FRY: variants seen among roughly 807,000 people sequenced by gnomAD.
FRY encodes the protein protein furry homolog.
Under a neutral mutation model 348.4 loss-of-function variants are expected in FRY, and 128 were observed. That is an observed-to-expected ratio of 0.37 (90% CI 0.32 to 0.43). The LOEUF (loss-of-function observed/expected upper bound fraction) is 0.43, where lower values mean the gene tolerates loss of function less well. Ranked by LOEUF, FRY falls within the 20% of genes least tolerant of loss-of-function variation. The pLI is 1.00. For synonymous variants in FRY, 1,370 were observed against 1,374.7 expected (o/e 1.00, Z 0.08); for missense variants, 2,736 against 3,695.2 (o/e 0.74, Z 6.73).
At chr13:32,091,167 G>C (rs944497536) in intron 2 of FRY, among the ~76,000 whole-genome samples, 1 of 152,162 alleles carries the variant, frequency 6.6e-6, no homozygotes, top group South Asian at 2.1e-4. Context: ...TTTTGTCAGG[G>C]TTTTGACTAT....
intron 8 of FRY, among the ~76,000 whole-genome samples, chr13:32,134,419 A>C (rs1284494459): frequency 1.3e-5 from 2 of 152,212 alleles, no homozygotes; most frequent in Non-Finnish European, 2.9e-5. Flanking sequence ...GTCAGAGCGA[A>C]CAAGTAAACA....
intron 43 of FRY, 37 bp downstream of exon 43, chr13:32,236,209 T>C (rs764215825): frequency 2.2e-6 from 3 of 1,377,474 alleles, no homozygotes; most frequent in African/African-American, 2.8e-5. Context: ...ACATCAAGTA[T>C]ACTGCACAGG....
chr13:32,260,825 GA>G (rs1224013491), intron 51 of FRY, among the ~76,000 whole-genome samples: 1 of 142,052 alleles, frequency 7.0e-6, no homozygotes, highest in African/African-American at 2.6e-5. Context: ...TGTCTCAAAA[GA>G]AAAAAACAAA....
rs869298149 is a variant in FRY, at chr13:32,268,505, A to AATAT, written c.8136+1177_8136+1180dup. On this transcript the variant is annotated intron_variant, in intron 55 of 60. Transcript: ENST00000542859. ...CTAGTTTAAAAAAAAAAAAAAAAAA[A>AATAT]ATATATATATATATATATATATATA... 9.5e-4 allele frequency among the ~76,000 whole-genome samples: 27 copies of AATAT among 28,292 alleles called. 1 individual carries two copies. The highest frequency in any genetic ancestry group is 2.2e-3 in the African/African-American group (24 of 10,704). 18.6% of individuals were successfully genotyped at this position (28,292 alleles called of 152,430 possible).
At position 32,202,292 on chromosome 13, in the gene FRY, A is replaced by G; in HGVS notation, c.3847-64A>G. ...TACTTCTAACCTTTGTTAAATACAA[A>G]TGCTCATGAGATATCCAGCTAATGC... On this transcript the variant is annotated intron_variant, in intron 30 of 60. Transcript: ENST00000542859. The G allele has an allele frequency of 2.4e-6, 3 of 1,249,360 alleles. 1 individual carries two copies. In the South Asian group the frequency reaches 3.6e-5, roughly 15 times the overall value. The allele number at this position is 1,249,360 out of a possible 1,614,324, so 77.4% of individuals were successfully genotyped here. A position where few individuals can be genotyped will look rare whatever the true frequency, so the allele number is the denominator to read the frequency against.
intron 2 of FRY, among the ~76,000 whole-genome samples, chr13:32,088,714 C>A (rs1160556745): frequency 1.3e-5 from 2 of 152,130 alleles, no homozygotes; most frequent in Non-Finnish European, 2.9e-5. Context: ...GTGAAAATAT[C>A]ACCAGGTAAT....
At chr13:32,050,605 A>AT (rs1274697533) in intron 1 of FRY, among the ~76,000 whole-genome samples, 2 of 152,206 alleles carry the variant, frequency 1.3e-5, no homozygotes, top group Non-Finnish European at 2.9e-5. Context: ...TGCTGTTCTT[A>AT]TGCCACTTCA....
At chr13:32,096,440 G>A (rs536485629) in intron 2 of FRY, among the ~76,000 whole-genome samples, 48 of 151,852 alleles carry the variant, frequency 3.2e-4, no homozygotes, top group African/African-American at 9.7e-4. Context: ...AAAACTGCGG[G>A]GGGGGGCTTC....
In FRY at chr13:32,249,697, C is replaced by T. The variant is rs754923254; in HGVS notation, c.7170+10C>T. The T allele has an allele frequency of 6.2e-7, 1 of 1,612,802 alleles. No homozygotes were observed. The highest frequency in any genetic ancestry group is 1.7e-5 in the Admixed American group (1 of 59,990). Reference sequence around the variant, plus strand: ...GCCCCAGTATTCTCAGGTATGCAATCCTAGACCCACAGTCCTGGGAGGGAG... The same window carrying T: ...GCCCCAGTATTCTCAGGTATGCAATTCTAGACCCACAGTCCTGGGAGGGAG... On this transcript the variant is annotated intron_variant, in intron 49 of 60. Transcript: ENST00000542859.
Position 32,175,621 on chromosome 13 carries a change from G to A in FRY, c.2410G>A (p.Val804Ile), listed in dbSNP as rs200312076. ...TCTAGAAAGTTTTATTCATGTAGCA[G>A]TTTCGGATTCAGTAAGTACACATTT... ...SILESFIHVA[V>I]SDSATLPLTH... Residue 804 changes from valine (V) to isoleucine (I), a missense_variant, in exon 20 of 61, where the codon GTT becomes ATT. Val to Ile is a conservative substitution (Grantham distance 29, BLOSUM62 3). Transcript: ENST00000542859. 231 of 1,588,886 alleles carry A rather than the reference G, an allele frequency of 1.5e-4. No homozygotes were observed. Among genetic ancestry groups the A allele is most frequent in the Non-Finnish European group, 1.9e-4 (220 of 1,157,186 alleles).
chr13:32,257,809 C>G (rs2138530311), intron 51 of FRY, among the ~76,000 whole-genome samples: 1 of 152,212 alleles, frequency 6.6e-6, no homozygotes, highest in South Asian at 2.1e-4. Context: ...GTATATTTAC[C>G]TTTTCTTTTA....
At chr13:32,085,028 A>ATGT (rs1875767920) in intron 2 of FRY, among the ~76,000 whole-genome samples, 1 of 152,120 alleles carries the variant, frequency 6.6e-6, no homozygotes, top group Non-Finnish European at 1.5e-5. Context: ...CTTTATTGGA[A>ATGT]CCTGTGTGTT....
rs1314779764 is a variant in FRY, at chr13:32,212,222, C to G, written c.4592-70C>G. ...TACAGGAAATCTTTCCCTGGAATTA[C>G]TTGAGACTTGAGCTTGACCCCTCAG... On this transcript the variant is annotated intron_variant, in intron 34 of 60. Transcript: ENST00000542859. The G allele has an allele frequency of 6.0e-6, 5 of 838,566 alleles. No homozygotes were observed. The East Asian group carries it at 1.3e-4, about 22-fold the overall frequency. The allele number at this position is 838,566 out of a possible 1,614,324, so 51.9% of individuals were successfully genotyped here.
At chr13:32,259,521 T>C (rs1051402453) in intron 51 of FRY, among the ~76,000 whole-genome samples, 3 of 152,226 alleles carry the variant, frequency 2.0e-5, no homozygotes, top group East Asian at 1.9e-4. Context: ...GATGTCTGTA[T>C]TCCTCTGCAA....
At chr13:32,248,987 C>T (rs1014092306) in intron 48 of FRY, among the ~76,000 whole-genome samples, 1 of 152,188 alleles carries the variant, frequency 6.6e-6, no homozygotes. Context: ...CTTGAGTTTG[C>T]GAATTGCTGC....
chr13:32,068,966 A>G (rs1214763090), intron 1 of FRY, among the ~76,000 whole-genome samples: 1 of 131,324 alleles, frequency 7.6e-6, no homozygotes, highest in Non-Finnish European at 1.5e-5. Context: ...CCCAGGCTGG[A>G]GCGCAGTGGC....
At chr13:32,099,680 G>T (rs967390080) in intron 2 of FRY, among the ~76,000 whole-genome samples, 1 of 151,918 alleles carries the variant, frequency 6.6e-6, no homozygotes, top group Non-Finnish European at 1.5e-5. Flanking sequence ...TTTCTGAAAT[G>T]CATTGAAAAC....
intron 20 of FRY, 85 bp from the exon 21 acceptor site, chr13:32,178,092 A>C: frequency 7.0e-7 from 1 of 1,437,534 alleles, no homozygotes; most frequent in Non-Finnish European, 9.8e-7. Flanking sequence ...AGCACTGTGC[A>C]AGAATGAGTA....
rs555936622 is a variant in FRY at position 32,275,895 on chromosome 13, C to A, written c.8287-569C>A. ...TGTGATACCTTTTTTTTTTTTTAGC[C>A]CCCATGATATGACAGAATCATCACA... On this transcript the variant is annotated intron_variant, in intron 56 of 60. Transcript: ENST00000542859. 2.1e-3 allele frequency among the ~76,000 whole-genome samples: 323 copies of A among 151,404 alleles called. 2 individuals carry two copies. The highest frequency in any genetic ancestry group is 3.7e-3 in the Non-Finnish European group (250 of 67,822).
Sources: gnomAD v4.1 joint callset for allele counts (sites outside exome capture counted in the v4.1 genomes callset) on GRCh38, gnomAD v4.1.1 for gene constraint, MANE v1.5 for transcripts, NCBI Gene and HGNC (gene_info 2026-07-23, HGNC 2026-07-21) for gene names.